NELL1: variants seen among roughly 807,000 people sequenced by gnomAD.
The protein encoded by NELL1 is protein kinase C-binding protein NELL1.
In NELL1, 76 loss-of-function variants were observed where a neutral mutation model predicts 107.4. That is an observed-to-expected ratio of 0.71 (90% CI 0.59 to 0.86). The LOEUF (loss-of-function observed/expected upper bound fraction) is 0.86. Among genes scored for constraint, NELL1 ranks in the 40% least tolerant of loss-of-function variants. The pLI is 0.00. For missense variants in NELL1, 1,024 were observed against 1,005.5 expected (o/e 1.02, Z -0.25); for synonymous variants, 353 against 341.2 (o/e 1.03, Z -0.38).
rs556079411 is a variant in NELL1 at position 21,099,888 on chromosome 11, C to T, written c.1301-13701C>T. Among the ~76,000 whole-genome samples, 6 of 152,198 alleles carry T rather than the reference C, an allele frequency of 3.9e-5. No homozygotes were observed. In the South Asian group the frequency reaches 1.2e-3, roughly 32 times the overall value. On this transcript the variant is annotated intron_variant, in intron 12 of 19. Coordinates refer to ENST00000357134, the MANE Select transcript of NELL1 (RefSeq NM_006157.5). ...TGGTACCCTTTTTATTTTTCAACAACTTTACTGAGATATAACTCACATACT... is the reference window on the plus strand; with the variant it reads ...TGGTACCCTTTTTATTTTTCAACAATTTTACTGAGATATAACTCACATACT...
intron 2 of NELL1, among the ~76,000 whole-genome samples, chr11:20,741,699 T>C (rs558140092): frequency 6.6e-6 from 1 of 152,288 alleles, no homozygotes; most frequent in Non-Finnish European, 1.5e-5. Context: ...CCCAAACCCA[T>C]CAAGGTTAAT....
At chr11:21,533,174 C>A (rs1158478599) in intron 15 of NELL1, among the ~76,000 whole-genome samples, 1 of 152,202 alleles carries the variant, frequency 6.6e-6, no homozygotes, top group East Asian at 1.9e-4. Flanking sequence ...AGGAACTACA[C>A]CTTTTCTCTC....
At chr11:21,361,350 T>A (rs1851072262) in intron 14 of NELL1, among the ~76,000 whole-genome samples, 1 of 150,626 alleles carries the variant, frequency 6.6e-6, no homozygotes, top group African/African-American at 2.4e-5. Context: ...TGCTGAGACG[T>A]CTGCTATTAA....
At chr11:21,369,017 TA>T (rs1214066620) in intron 14 of NELL1, among the ~76,000 whole-genome samples, 1 of 152,008 alleles carries the variant, frequency 6.6e-6, no homozygotes, top group East Asian at 1.9e-4. Context: ...CATTTCTACT[TA>T]AAGACTGAGT....
chr11:20,795,482 A>G (rs1430614318), intron 3 of NELL1, among the ~76,000 whole-genome samples: 1 of 152,208 alleles, frequency 6.6e-6, no homozygotes, highest in African/African-American at 2.4e-5. Context: ...TCTTAATGAC[A>G]TTGCAGATTT....
chr11:21,349,075 A>G (rs1435234866), intron 14 of NELL1, among the ~76,000 whole-genome samples: 2 of 152,170 alleles, frequency 1.3e-5, no homozygotes, highest in Non-Finnish European at 2.9e-5. Flanking sequence ...ACAAAAGGTC[A>G]TTTGGCAACC....
intron 2 of NELL1, among the ~76,000 whole-genome samples, chr11:20,757,028 T>A (rs1370444242): frequency 6.6e-6 from 1 of 152,178 alleles, no homozygotes; most frequent in East Asian, 1.9e-4. Context: ...TAGAGATAGA[T>A]GTTGGGGAAG....
chr11:21,148,685 A>T (rs1381895971), intron 13 of NELL1, among the ~76,000 whole-genome samples: 2 of 152,194 alleles, frequency 1.3e-5, no homozygotes, highest in African/African-American at 4.8e-5. Context: ...ACACTGATTC[A>T]TCTGTAAGGA....
intron 13 of NELL1, among the ~76,000 whole-genome samples, chr11:21,150,567 A>G (rs1007878471): frequency 6.6e-6 from 1 of 152,182 alleles, no homozygotes; most frequent in African/African-American, 2.4e-5. Flanking sequence ...CTGGTTGGTT[A>G]ATGCCGTTCA....
At chr11:21,508,454 T>C (rs1855351893) in intron 15 of NELL1, among the ~76,000 whole-genome samples, 1 of 152,238 alleles carries the variant, frequency 6.6e-6, no homozygotes, top group Non-Finnish European at 1.5e-5. Flanking sequence ...GAAATGTATA[T>C]TGATATTTAC....
At chr11:21,531,274 A>C (rs1243856221) in intron 15 of NELL1, among the ~76,000 whole-genome samples, 2 of 152,200 alleles carry the variant, frequency 1.3e-5, no homozygotes, top group Non-Finnish European at 2.9e-5. Context: ...ACAACACAAA[A>C]ATAATCCTTG....
At chr11:21,394,857 G>A (rs1851948077) in intron 15 of NELL1, among the ~76,000 whole-genome samples, 2 of 151,588 alleles carry the variant, frequency 1.3e-5, no homozygotes, top group South Asian at 4.1e-4. Context: ...GATATACATT[G>A]AAAATCTTTA....
chr11:21,444,744 C>A (rs1041506575), intron 15 of NELL1, among the ~76,000 whole-genome samples: 2 of 152,048 alleles, frequency 1.3e-5, no homozygotes, highest in African/African-American at 4.8e-5. Flanking sequence ...TCCAATTATA[C>A]TCTTCTAGTT....
chr11:21,423,583 G>C (rs1057187701), intron 15 of NELL1, among the ~76,000 whole-genome samples: 1 of 152,118 alleles, frequency 6.6e-6, no homozygotes, highest in African/African-American at 2.4e-5. Flanking sequence ...CCAGAATGAA[G>C]ATAAGTAAGG....
intron 3 of NELL1, among the ~76,000 whole-genome samples, chr11:20,813,922 G>T (rs1857560194): frequency 6.7e-6 from 1 of 150,236 alleles, no homozygotes; most frequent in South Asian, 2.2e-4. Flanking sequence ...AGATATGTAG[G>T]TATTTTTTAA....
chr11:20,822,872 A>T (rs1857790255), intron 3 of NELL1, among the ~76,000 whole-genome samples: 2 of 152,222 alleles, frequency 1.3e-5, no homozygotes, highest in Non-Finnish European at 2.9e-5. Flanking sequence ...TTGTAGTAAG[A>T]TAGACTGAAT....
At position 20,888,825 on chromosome 11, in the gene NELL1, G is replaced by A. The variant is rs142013546; in HGVS notation, c.603+3285G>A. Among the ~76,000 whole-genome samples the A allele has an allele frequency of 3.0e-3, 457 of 152,226 alleles. 1 individual carries two copies. The highest frequency in any genetic ancestry group is 5.2e-3 in the Non-Finnish European group (356 of 68,028). On this transcript the variant is annotated intron_variant, in intron 5 of 19. Coordinates refer to ENST00000357134, the MANE Select transcript of NELL1 (RefSeq NM_006157.5). ...CTGAGAGCCTCTTCACCTCTCTGGGGGTTGGCTGGCTGTTGACTCTTGTTC... is the reference window on the plus strand; with the variant it reads ...CTGAGAGCCTCTTCACCTCTCTGGGAGTTGGCTGGCTGTTGACTCTTGTTC...
intron 14 of NELL1, among the ~76,000 whole-genome samples, chr11:21,311,817 T>C (rs1377135435): frequency 6.6e-6 from 1 of 152,156 alleles, no homozygotes; most frequent in African/African-American, 2.4e-5. Context: ...ATTTTATACA[T>C]GGTACTATTG....
chr11:20,941,134 AT>A (rs1307751371), intron 10 of NELL1, among the ~76,000 whole-genome samples: 1 of 152,106 alleles, frequency 6.6e-6, no homozygotes, highest in Non-Finnish European at 1.5e-5. Context: ...GTGAGACGCC[AT>A]CTCAAAAAAA....
Sources: allele counts gnomAD v4.1 joint callset (sites outside exome capture counted in the v4.1 genomes callset), GRCh38; gene constraint gnomAD v4.1.1; transcripts MANE v1.5; gene names NCBI Gene and HGNC (gene_info 2026-07-23, HGNC 2026-07-21).